ABCC5: variants seen among roughly 807,000 people sequenced by gnomAD.
ABCC5 encodes the protein ATP binding cassette subfamily C member 5.
In ABCC5, 61 loss-of-function variants were observed where a neutral mutation model predicts 160.9. The ratio of observed to expected loss-of-function variants is 0.38; its 90% CI spans 0.31 to 0.47. The LOEUF (loss-of-function observed/expected upper bound fraction) is 0.47. ABCC5 is among the 20% of genes least tolerant of loss of function. The pLI, the probability that ABCC5 is intolerant of heterozygous loss-of-function variation, is 0.99. For synonymous variants in ABCC5, 666 were observed against 700.6 expected (o/e 0.95, Z 0.78); for missense variants, 1,308 against 1,813.3 (o/e 0.72, Z 5.06).
At chr3:184,010,104 C>T in intron 2 of ABCC5, 4 of 274,868 alleles carry the variant, frequency 1.5e-5, no homozygotes, top group Non-Finnish European at 2.2e-5. Context: ...CTCAGGAGTT[C>T]AAGACCAGCC....
At chr3:183,967,864 C>G (rs775927657) in intron 11 of ABCC5, 98 bp from the exon 12 acceptor site, 18 of 976,728 alleles carry the variant, frequency 1.8e-5, no homozygotes, top group Non-Finnish European at 2.8e-5. Context: ...TCTACCCATA[C>G]AGAACTGTCA....
Position 183,987,926 on chromosome 3 carries a change from G to C in ABCC5, c.444-9C>G. ...GCCACAGTCTCTCTAGTCTTAACAA[G>C]GGCACACGTCCTCGTTACACATCTC... is the stretch of plus-strand genomic sequence containing the variant. On this transcript the variant is annotated splice_polypyrimidine_tract_variant and intron_variant, in intron 4 of 29. Coordinates refer to ENST00000334444, the MANE Select transcript of ABCC5 (RefSeq NM_005688.4). This position sits in a 1 kb window ranked among gnomAD's most constrained non-coding sequence, Gnocchi z 4.2. The C allele has an allele frequency of 6.2e-7, 1 of 1,613,274 alleles. No homozygotes were observed. The highest frequency in any genetic ancestry group is 8.5e-7 in the Non-Finnish European group (1 of 1,179,708).
intron 12 of ABCC5, among the ~76,000 whole-genome samples, chr3:183,965,768 A>G (rs1717162480): frequency 6.6e-6 from 1 of 152,206 alleles, no homozygotes; most frequent in Non-Finnish European, 1.5e-5. Context: ...CTGTGTGCAA[A>G]CTGTTTAAAT....
intron 26 of ABCC5, among the ~76,000 whole-genome samples, chr3:183,936,596 C>T (rs1713742442): frequency 1.3e-5 from 2 of 152,050 alleles, no homozygotes; most frequent in Admixed American, 6.5e-5. Flanking sequence ...CAAGCTCTGC[C>T]TCCCGGGTTC....
At chr3:183,934,308 C>T (rs969572673) in intron 26 of ABCC5, among the ~76,000 whole-genome samples, 3 of 152,108 alleles carry the variant, frequency 2.0e-5, no homozygotes, top group African/African-American at 7.2e-5. Flanking sequence ...CAAAAGAATA[C>T]CAAGAGCTGA....
At chr3:183,995,870 C>T (rs1720235496) in intron 2 of ABCC5, among the ~76,000 whole-genome samples, 1 of 151,958 alleles carries the variant, frequency 6.6e-6, no homozygotes, top group Non-Finnish European at 1.5e-5. Flanking sequence ...TGCAGTGGTG[C>T]GACCTAAGCT....
Position 183,927,393 on chromosome 3 carries a change from AT to A in ABCC5, c.3983del (p.Asp1328ValfsTer13). On this transcript the variant is annotated frameshift_variant, in exon 28 of 30. Transcript: ENST00000334444. LOFTEE classifies it high-confidence loss of function. ...GCTGCCGTTCCCCCACTGAGAAGTT[AT>A]CCCCATTCTCCATCACTTCAGATTC... ...KLESEVMENG[D>X]NFSVGERQLL... 2 of 1,613,914 alleles carry A rather than the reference AT, an allele frequency of 1.2e-6. No individual in the cohort carries two copies. The highest frequency in any genetic ancestry group is 1.7e-6 in the Non-Finnish European group (2 of 1,179,882).
At chr3:183,989,459 G>T in intron 2 of ABCC5, 76 bp from the exon 3 acceptor site, 1 of 1,483,800 alleles carries the variant, frequency 6.7e-7, no homozygotes. Context: ...TGATGAAACA[G>T]CTCAAACTGC....
At chr3:183,942,664 A>G in intron 25 of ABCC5, 63 bp downstream of exon 25, 2 of 1,571,960 alleles carry the variant, frequency 1.3e-6, no homozygotes, top group Non-Finnish European at 1.7e-6. Flanking sequence ...TAAAGGGGTG[A>G]AAGTGATATT....
At chr3:183,925,840 C>CTT (rs1208671884) in intron 28 of ABCC5, 121 bp from the exon 29 acceptor site, 2,690 of 699,368 alleles carry the variant, frequency 3.8e-3, no homozygotes, top group African/African-American at 7.5e-3. Context: ...TCTTTTCTTT[C>CTT]TTTTTTTTTT....
chr3:183,950,854 A>G (rs758457106), intron 20 of ABCC5, among the ~76,000 whole-genome samples: 4 of 152,238 alleles, frequency 2.6e-5, no homozygotes, highest in Non-Finnish European at 5.9e-5. Flanking sequence ...TAAAAACATT[A>G]GCTTTGGGGT....
At chr3:183,956,404 A>C (rs1488182136) in intron 17 of ABCC5, among the ~76,000 whole-genome samples, 28 of 150,728 alleles carry the variant, frequency 1.9e-4, no homozygotes, top group Middle Eastern at 3.5e-3. Context: ...TTACATGCAG[A>C]TCCGTGTGTA....
rs1722318363 is a variant in ABCC5, at chr3:184,017,831, T to G, written c.-57A>C. ...GGTGCGGCAGCAGCCATCACCTACC[T>G]GCGCCCCTGCTCCAGGACAACCGCG... On this transcript the variant is annotated splice_region_variant and 5_prime_UTR_variant, in exon 1 of 30. Transcript: ENST00000334444. The surrounding 1 kb of genome is among the most constrained non-coding windows in gnomAD (Gnocchi z 4.5). 6.6e-6 allele frequency: 1 copy of G among 152,474 alleles called. No individual in the cohort carries two copies. The highest frequency in any genetic ancestry group is 2.4e-5 in the African/African-American group (1 of 41,484). The allele number at this position is 152,474 out of a possible 1,614,324, so 9.4% of individuals were successfully genotyped here. A position where few individuals can be genotyped will look rare whatever the true frequency, so the allele number is the denominator to read the frequency against.
At position 183,951,352 on chromosome 3, in the gene ABCC5, C is replaced by A; in HGVS notation, c.2944+89G>T. 1 of 1,523,366 alleles carries A rather than the reference C, an allele frequency of 6.6e-7. No homozygotes were observed. The highest frequency in any genetic ancestry group is 1.4e-5 in the African/African-American group (1 of 72,400). 94.4% of individuals were successfully genotyped at this position (1,523,366 alleles called of 1,614,324 possible). A position where few individuals can be genotyped will look rare whatever the true frequency, so the allele number is the denominator to read the frequency against. ...TCACTGTGCTCTCAGGATCTACAGA[C>A]AGACAGATCTGCACATTTGGAGAAT... On this transcript the variant is annotated intron_variant, in intron 20 of 29. Coordinates refer to ENST00000334444, the MANE Select transcript of ABCC5 (RefSeq NM_005688.4). This position sits in a 1 kb window ranked among gnomAD's most constrained non-coding sequence, Gnocchi z 4.7.
Position 183,967,688 on chromosome 3 carries a change from A to G in ABCC5, c.1833+7T>C, listed in dbSNP as rs1264170126. 1 of 1,611,834 alleles carries G rather than the reference A, an allele frequency of 6.2e-7. No homozygotes were observed. The highest frequency in any genetic ancestry group is 8.5e-7 in the Non-Finnish European group (1 of 1,177,964). On this transcript the variant is annotated splice_region_variant and intron_variant, in intron 12 of 29. Transcript: ENST00000334444. ...GCAGCAGAAAAGGACAATAACAAAAATCTTACCTGGCCTAAAATGGCTGAA... is the reference window on the plus strand; with the variant it reads ...GCAGCAGAAAAGGACAATAACAAAAGTCTTACCTGGCCTAAAATGGCTGAA...
chr3:183,969,494 C>T (rs1717537093), intron 11 of ABCC5, among the ~76,000 whole-genome samples: 1 of 152,104 alleles, frequency 6.6e-6, no homozygotes, highest in South Asian at 2.1e-4. Flanking sequence ...GAGTTCGAGA[C>T]CAGCCTGGCC....
chr3:183,935,099 A>G (rs1405659466), intron 26 of ABCC5, among the ~76,000 whole-genome samples: 5 of 147,892 alleles, frequency 3.4e-5, no homozygotes, highest in South Asian at 2.2e-4. Flanking sequence ...GGCTGGTCTC[A>G]AACTCCTGAC....
In ABCC5 at chr3:183,963,562, G is replaced by A. The variant is rs376483220; in HGVS notation, c.2058C>T (p.Ser686=). 2.1e-5 allele frequency: 34 copies of A among 1,613,870 alleles called. No individual in the cohort carries two copies. The highest frequency in any genetic ancestry group is 1.5e-4 in the Admixed American group (9 of 60,004). Residue 686 remains serine, a synonymous_variant, in exon 15 of 30, where the codon AGC becomes AGT. Coordinates refer to ENST00000334444, the MANE Select transcript of ABCC5 (RefSeq NM_005688.4). This position sits in a 1 kb window ranked among gnomAD's most constrained non-coding sequence, Gnocchi z 4.6. ...GGCTGATCCTCTGGCGCTGCCCACC[G>A]CTCAGGTTGGCTCCTCGCTCTCCAA... ...TEIGERGANL[S]GGQRQRISLA... is the part of the protein sequence containing the mutation.
At chr3:183,978,712 C>T (rs1718440233) in intron 8 of ABCC5, 61 bp from the exon 9 acceptor site, 1 of 1,571,236 alleles carries the variant, frequency 6.4e-7, no homozygotes, top group African/African-American at 1.4e-5. Flanking sequence ...GATGTTGTTC[C>T]TCCACCTCCA....
Sources: gnomAD v4.1 joint callset for allele counts (sites outside exome capture counted in the v4.1 genomes callset) on GRCh38, gnomAD v4.1.1 for gene constraint, Gnocchi (gnomAD v3.1) non-coding constraint, MANE v1.5 for transcripts, NCBI Gene and HGNC (gene_info 2026-07-23, HGNC 2026-07-21) for gene names.